The following COMMD2 variants were observed in gnomAD, a reference collection of about 807,000 sequenced individuals.
The protein encoded by COMMD2 is COMM domain-containing protein 2.
Under a neutral mutation model 22.5 loss-of-function variants are expected in COMMD2, and 25 were observed. That is an observed-to-expected ratio of 1.11 (90% CI 0.81 to 1.55). COMMD2 has a LOEUF of 1.55. Ranked by LOEUF, COMMD2 falls within the 40% of genes most tolerant of loss-of-function variation. The pLI is 0.00. For missense variants in COMMD2, 223 were observed against 232.9 expected (o/e 0.96, Z 0.28); for synonymous variants, 98 against 91.2 (o/e 1.07, Z -0.42).
At chr3:149,752,158 T>C in intron 2 of COMMD2, 52 bp downstream of exon 2, 1 of 1,466,704 alleles carries the variant, frequency 6.8e-7, no homozygotes, top group Non-Finnish European at 9.4e-7. Context: ...AGACAGGGAA[T>C]GGCTCGCAAC....
chr3:149,738,820 C>A lies in COMMD2; in HGVS notation c.*2701G>T. The A allele has an allele frequency of 6.6e-6, 1 of 152,126 alleles. No homozygotes were observed. 9.4% of individuals were successfully genotyped at this position (152,126 alleles called of 1,614,324 possible). ...GATTTTTCAAACCATGTCAGATTCT[C>A]ATTTTTCAATTCTCAAGATACAGCA... On this transcript the variant is annotated 3_prime_UTR_variant, in exon 5 of 5. Transcript: ENST00000473414.
Position 149,741,535 on chromosome 3 carries a change from G to C in COMMD2, c.586C>G (p.Arg196Gly). Residue 196 changes from arginine (R) to glycine (G), a missense_variant, in exon 5 of 5, where the codon CGC becomes GGC. Arg to Gly is a moderately radical substitution (Grantham distance 125). Coordinates refer to ENST00000473414, the MANE Select transcript of COMMD2 (RefSeq NM_016094.4). The part of the protein sequence containing the change: ...MKTNHCRRVV[R>G]NIK ...TAAAACTGGTACTACTTGATGTTGC[G>C]AACAACTCTCCTACAGTGATTTGTC... 6.2e-7 allele frequency: 1 copy of C among 1,613,612 alleles called. No individual in the cohort carries two copies. Among genetic ancestry groups the C allele is most frequent in the South Asian group, 1.1e-5 (1 of 91,040 alleles).
chr3:149,752,355 A>G (rs1434311832), intron 1 of COMMD2, 23 bp downstream of exon 1: 2 of 1,614,050 alleles, frequency 1.2e-6, no homozygotes, highest in Non-Finnish European at 8.5e-7. Context: ...AGCCCACAGA[A>G]CACCGCCCCC....
rs1177524480 is a variant in COMMD2, at chr3:149,739,182, A to C, written c.*2339T>G. 6.6e-6 allele frequency: 1 copy of C among 152,224 alleles called. No homozygotes were observed. Among genetic ancestry groups the C allele is most frequent in the East Asian group, 1.9e-4 (1 of 5,208 alleles). The allele number at this position is 152,224 out of a possible 1,614,324, so 9.4% of individuals were successfully genotyped here. On this transcript the variant is annotated 3_prime_UTR_variant, in exon 5 of 5. Transcript: ENST00000473414. ...ATAGAAGGTGCATTACTCAGAGTCA[A>C]GAAACCTGGGTCATACTGGAGAGAA...
In COMMD2 at chr3:149,739,651, C is replaced by T. The variant is rs1382206436; in HGVS notation, c.*1870G>A. On this transcript the variant is annotated 3_prime_UTR_variant, in exon 5 of 5. Transcript: ENST00000473414. ...TCCATCGAAGGTGGACAAATAAAAA[C>T]CCTTACAGAGGTATTTTTTATCATA... The T allele has an allele frequency of 6.6e-6, 1 of 152,196 alleles. No homozygotes were observed. Among genetic ancestry groups the T allele is most frequent in the Non-Finnish European group, 1.5e-5 (1 of 68,026 alleles). The allele number at this position is 152,196 out of a possible 1,614,324, so 9.4% of individuals were successfully genotyped here.
In COMMD2 at chr3:149,752,486, C is replaced by T. The variant is rs1716565661; in HGVS notation, c.-42G>A. ...TTTCACCCGGCAGCGCCGACCCCGC[C>T]TTCGCCACTTCCGGCGCCCGTGTCC... On this transcript the variant is annotated 5_prime_UTR_variant, in exon 1 of 5. Coordinates refer to ENST00000473414, the MANE Select transcript of COMMD2 (RefSeq NM_016094.4). 4 of 1,566,636 alleles carry T rather than the reference C, an allele frequency of 2.6e-6. No individual in the cohort carries two copies. In the South Asian group the frequency reaches 3.4e-5, roughly 13 times the overall value.
chr3:149,752,378 C>A lies in COMMD2; in HGVS notation c.67G>T (p.Val23Leu), dbSNP rs200332959. The change falls in exon 1 of 5, where the codon GTG (valine) becomes TTG (leucine). Residue 23 changes from valine (V) to leucine (L), a missense_variant and splice_region_variant. Val to Leu is a conservative substitution (Grantham distance 32). Transcript: ENST00000473414. Reference sequence around the variant, plus strand: ...GAACACCGCCCCCACGCCCGCTGACCCGCGCTGTCCACTTGAGGCAGGAAG... The same window carrying A: ...GAACACCGCCCCCACGCCCGCTGACACGCGCTGTCCACTTGAGGCAGGAAG... Reference protein sequence around the residue: ...LAFLPQVDSAVVAEFGRIAVE... With the variant: ...LAFLPQVDSALVAEFGRIAVE... 6.2e-7 allele frequency: 1 copy of A among 1,614,180 alleles called. No homozygotes were observed. Among genetic ancestry groups the A allele is most frequent in the Admixed American group, 1.7e-5 (1 of 60,030 alleles).
At chr3:149,751,224 G>C in intron 3 of COMMD2, 179 bp downstream of exon 3, 2 of 855,762 alleles carry the variant, frequency 2.3e-6, no homozygotes, top group South Asian at 1.9e-5. Flanking sequence ...ACTAGCAAGA[G>C]GTATTCATAT....
intron 4 of COMMD2, among the ~76,000 whole-genome samples, chr3:149,742,965 C>CAAAAAAAAAAA (rs5853437): frequency 2.5e-5 from 3 of 120,114 alleles, no homozygotes; most frequent in Non-Finnish European, 3.5e-5. Flanking sequence ...GACTCTATCT[C>CAAAAAAAAAAA]AAAAAAAAAA....
intron 4 of COMMD2, among the ~76,000 whole-genome samples, chr3:149,742,373 G>C (rs1008836176): frequency 1.3e-5 from 2 of 152,084 alleles, no homozygotes; most frequent in African/African-American, 4.8e-5. Flanking sequence ...AAAACAATGT[G>C]CATTACCAGC....
At chr3:149,742,948 AGAGT>A (rs1378748873) in intron 4 of COMMD2, among the ~76,000 whole-genome samples, 9 of 148,162 alleles carry the variant, frequency 6.1e-5, no homozygotes, top group Non-Finnish European at 1.3e-4. Flanking sequence ...CCTGGGCAAC[AGAGT>A]GAGACTCTAT....
At chr3:149,745,652 G>A (rs1296961354) in intron 4 of COMMD2, among the ~76,000 whole-genome samples, 2 of 152,198 alleles carry the variant, frequency 1.3e-5, no homozygotes, top group African/African-American at 4.8e-5. Flanking sequence ...AATAGATATA[G>A]AAACAAGGAT....
chr3:149,741,749 A>G, intron 4 of COMMD2, 31 bp from the exon 5 acceptor site: 1 of 1,491,772 alleles, frequency 6.7e-7, no homozygotes, highest in Non-Finnish European at 9.4e-7. Flanking sequence ...GAGCACAGTA[A>G]CTATTTAATA....
chr3:149,743,942 A>C (rs1716300644), intron 4 of COMMD2, among the ~76,000 whole-genome samples: 1 of 152,196 alleles, frequency 6.6e-6, no homozygotes, highest in Non-Finnish European at 1.5e-5. Flanking sequence ...TCTAAATTAA[A>C]TACCTATACA....
At chr3:149,751,248 G>A (rs1716520706) in intron 3 of COMMD2, 155 bp downstream of exon 3, 8 of 1,186,072 alleles carry the variant, frequency 6.7e-6, no homozygotes, top group Non-Finnish European at 9.3e-6. Context: ...CAGATGATAT[G>A]ATTTTTATTT....
At chr3:149,743,290 A>C (rs561882577) in intron 4 of COMMD2, among the ~76,000 whole-genome samples, 224 of 152,322 alleles carry the variant, frequency 1.5e-3, no homozygotes, top group African/African-American at 5.3e-3. Context: ...TAGATTCTCC[A>C]TTAAAAGGAA....
chr3:149,739,227 A>T lies in COMMD2; in HGVS notation c.*2294T>A, dbSNP rs1716142888. 1 of 152,234 alleles carries T rather than the reference A, an allele frequency of 6.6e-6. No individual in the cohort carries two copies. The highest frequency in any genetic ancestry group is 1.5e-5 in the Non-Finnish European group (1 of 68,034). The allele number at this position is 152,234 out of a possible 1,614,324, so 9.4% of individuals were successfully genotyped here. A position where few individuals can be genotyped will look rare whatever the true frequency, so the allele number is the denominator to read the frequency against. ...AGAGAACAGTGACTACCTCTAAAGA[A>T]AATTATGTTCATATACAAGCTACAA... is the stretch of plus-strand genomic sequence containing the variant. On this transcript the variant is annotated 3_prime_UTR_variant, in exon 5 of 5. Coordinates refer to ENST00000473414, the MANE Select transcript of COMMD2 (RefSeq NM_016094.4).
At chr3:149,749,915 C>T (rs972761229) in intron 4 of COMMD2, among the ~76,000 whole-genome samples, 11 of 152,120 alleles carry the variant, frequency 7.2e-5, no homozygotes, top group African/African-American at 2.7e-4. Context: ...TTTGAGAATG[C>T]CTAATATCCC....
At chr3:149,746,333 G>A (rs1223516704) in intron 4 of COMMD2, among the ~76,000 whole-genome samples, 1 of 152,064 alleles carries the variant, frequency 6.6e-6, no homozygotes, top group Non-Finnish European at 1.5e-5. Flanking sequence ...TCAAGGAAGA[G>A]GCCAAAAATA....
Sources: gnomAD v4.1 joint callset for allele counts (sites outside exome capture counted in the v4.1 genomes callset) on GRCh38, gnomAD v4.1.1 for gene constraint, MANE v1.5 for transcripts, NCBI Gene and HGNC (gene_info 2026-07-23, HGNC 2026-07-21) for gene names.